Variants in PTPDC1 observed in about 807,000 individuals in gnomAD.
PTPDC1 encodes the protein protein tyrosine phosphatase domain-containing protein 1.
Under a neutral mutation model 75.3 loss-of-function variants are expected in PTPDC1, and 53 were observed. That is an observed-to-expected ratio of 0.70 (90% CI 0.56 to 0.88). The LOEUF is 0.88. Among genes scored for constraint, PTPDC1 ranks in the 40% least tolerant of loss-of-function variants. The pLI, the probability that PTPDC1 is intolerant of heterozygous loss-of-function variation, is 0.00. For synonymous variants in PTPDC1, 349 were observed against 366.2 expected, an observed-to-expected ratio of 0.95 and a Z score of 0.54; for missense variants, 925 against 998.6, an observed-to-expected ratio of 0.93 and a Z score of 0.99.
chr9:94,106,477 A>G (rs1196213077), intron 8 of PTPDC1, among the ~76,000 whole-genome samples: 1 of 152,218 alleles, frequency 6.6e-6, no homozygotes, highest in Admixed American at 6.5e-5. Flanking sequence ...GTGCTTGTGC[A>G]GCCTCCACCT....
chr9:94,104,250 T>A (rs751565463), intron 7 of PTPDC1, 25 bp from the exon 8 acceptor site: 8 of 1,568,692 alleles, frequency 5.1e-6, no homozygotes, highest in African/African-American at 1.4e-5. Flanking sequence ...AAAAATTTTT[T>A]AAATTTTGAT....
At chr9:94,095,713 C>G (rs921356742) in intron 5 of PTPDC1, among the ~76,000 whole-genome samples, 1 of 152,082 alleles carries the variant, frequency 6.6e-6, no homozygotes, top group Non-Finnish European at 1.5e-5. Context: ...TATGCGTATA[C>G]TAAATACACT....
At chr9:94,078,918 T>G (rs1030020556) in intron 2 of PTPDC1, among the ~76,000 whole-genome samples, 2 of 152,226 alleles carry the variant, frequency 1.3e-5, no homozygotes, top group Non-Finnish European at 2.9e-5. Flanking sequence ...ATGGGTTCCT[T>G]TAGGACTTTG....
chr9:94,099,135 C>T (rs558720662), intron 6 of PTPDC1, among the ~76,000 whole-genome samples: 63 of 152,310 alleles, frequency 4.1e-4, no homozygotes, highest in African/African-American at 1.4e-3. Context: ...CAGATTACTA[C>T]GTGCCATTCA....
chr9:94,086,748 A>T (rs1827086671), intron 2 of PTPDC1, among the ~76,000 whole-genome samples: 1 of 152,234 alleles, frequency 6.6e-6, no homozygotes, highest in African/African-American at 2.4e-5. Flanking sequence ...TCATACTATT[A>T]TCTTTTATCT....
chr9:94,080,311 T>C (rs1826836511), upstream of PTPDC1, among the ~76,000 whole-genome samples: 1 of 152,160 alleles, frequency 6.6e-6, no homozygotes. Flanking sequence ...GTTATAATTA[T>C]AGGTACAGTT....
upstream of PTPDC1, among the ~76,000 whole-genome samples, chr9:94,082,177 A>G (rs1317378654): frequency 2.6e-5 from 4 of 152,248 alleles, no homozygotes; most frequent in Non-Finnish European, 4.4e-5. Context: ...CCTTGTGAAA[A>G]GTGAGCCTCT....
At chr9:94,104,408 C>T (rs749003214) in intron 8 of PTPDC1, 23 bp downstream of exon 8, 3 of 1,440,904 alleles carry the variant, frequency 2.1e-6, no homozygotes, top group Non-Finnish European at 2.9e-6. Flanking sequence ...CTTCCTTTCC[C>T]CTCTCTGAAC....
chr9:94,039,512 T>C (rs1825368764), intron 1 of PTPDC1, among the ~76,000 whole-genome samples: 1 of 151,894 alleles, frequency 6.6e-6, no homozygotes, highest in South Asian at 2.1e-4. Flanking sequence ...CCAATAAGGG[T>C]CGGGTGCTGT....
chr9:94,081,389 A>C (rs1272293954), upstream of PTPDC1, among the ~76,000 whole-genome samples: 10 of 152,210 alleles, frequency 6.6e-5, no homozygotes, highest in African/African-American at 2.2e-4. Flanking sequence ...TGGGCCAGGC[A>C]TGGTGGCAGG....
rs533081610 is a variant in PTPDC1, at chr9:94,086,453, T to C, written c.416+1031T>C. ...TAATTATCACTGGGGGTCCAAACTTTTGGGTCCCATGTTAAACCATATGCC... is the reference window on the plus strand; with the variant it reads ...TAATTATCACTGGGGGTCCAAACTTCTGGGTCCCATGTTAAACCATATGCC... On this transcript the variant is annotated intron_variant, in intron 2 of 8. Transcript: ENST00000620992. 2.0e-5 allele frequency among the ~76,000 whole-genome samples: 3 copies of C among 152,356 alleles called. No individual in the cohort carries two copies. The East Asian group carries it at 5.8e-4, about 29-fold the overall frequency.
intron 8 of PTPDC1, among the ~76,000 whole-genome samples, chr9:94,106,181 AG>A (rs1828018274): frequency 6.6e-6 from 1 of 152,202 alleles, no homozygotes; most frequent in South Asian, 2.1e-4. Context: ...TAGAGATAAC[AG>A]TTGTTCAAAA....
intron 1 of PTPDC1, among the ~76,000 whole-genome samples, chr9:94,050,179 G>A (rs1343330108): frequency 2.0e-5 from 3 of 152,040 alleles, no homozygotes; most frequent in Admixed American, 1.3e-4. Context: ...TTAGCTCGGA[G>A]TAGTTTGATC....
chr9:94,080,214 G>A (rs1826831701), upstream of PTPDC1, among the ~76,000 whole-genome samples: 1 of 152,134 alleles, frequency 6.6e-6, no homozygotes, highest in Non-Finnish European at 1.5e-5. Context: ...AGGGAGCAGA[G>A]GTAGTGATGG....
rs368858278 is a variant in PTPDC1, at chr9:94,104,265, A to G, written c.2200-10A>G. 49 of 1,589,954 alleles carry G rather than the reference A, an allele frequency of 3.1e-5. No individual in the cohort carries two copies. The African/African-American group carries it at 6.4e-4, about 21-fold the overall frequency. On this transcript the variant is annotated splice_polypyrimidine_tract_variant and intron_variant, in intron 7 of 8. Transcript: ENST00000620992. ...AAAAATTTTTTAAATTTTGATTTCT[A>G]CAAAAACAGGGACAGCACCAGACTA...
At chr9:94,057,575 C>T (rs552267887) in intron 1 of PTPDC1, among the ~76,000 whole-genome samples, 1 of 152,254 alleles carries the variant, frequency 6.6e-6, no homozygotes, top group East Asian at 1.9e-4. Flanking sequence ...GGTAGGAACA[C>T]ACACACACAC....
intron 1 of PTPDC1, among the ~76,000 whole-genome samples, chr9:94,051,356 C>A (rs1383187429): frequency 2.0e-5 from 3 of 152,184 alleles, no homozygotes; most frequent in Non-Finnish European, 4.4e-5. Context: ...CTTGGCTCAA[C>A]CCTCTTTAAG....
At position 94,074,240 on chromosome 9, in the gene PTPDC1, C is replaced by T. The variant is rs149902371; in HGVS notation, c.82+9419C>T. Among the ~76,000 whole-genome samples, 252 of 152,276 alleles carry T rather than the reference C, an allele frequency of 1.7e-3. 2 individuals are homozygous for T. The highest frequency in any genetic ancestry group is 5.8e-3 in the African/African-American group (241 of 41,558). Reference sequence around the variant, plus strand: ...CCAGCTCCCTGTTCAGCCTCACTGACACCACCCCAACAAAAGTTGGGTGCT... The same window carrying T: ...CCAGCTCCCTGTTCAGCCTCACTGATACCACCCCAACAAAAGTTGGGTGCT... On this transcript the variant is annotated intron_variant, in intron 2 of 9. Coordinates refer to the PTPDC1 transcript ENST00000375360.
At chr9:94,061,198 C>A (rs1312672107) in intron 1 of PTPDC1, among the ~76,000 whole-genome samples, 1 of 152,210 alleles carries the variant, frequency 6.6e-6, no homozygotes, top group Non-Finnish European at 1.5e-5. Context: ...CCCAGCAGGG[C>A]ACTCATTCAA....
Sources: allele counts gnomAD v4.1 joint callset (sites outside exome capture counted in the v4.1 genomes callset), GRCh38; gene constraint gnomAD v4.1.1; transcripts MANE v1.5; gene names NCBI Gene and HGNC (gene_info 2026-07-23, HGNC 2026-07-21).